PPP4R3B: variants seen among roughly 807,000 people sequenced by gnomAD.
The protein encoded by PPP4R3B is protein phosphatase 4 regulatory subunit 3B, also known as serine/threonine-protein phosphatase 4 regulatory subunit 3B.
In PPP4R3B, 52 loss-of-function variants were observed where a neutral mutation model predicts 95.4. That is an observed-to-expected ratio of 0.54 (90% CI 0.44 to 0.69). PPP4R3B has a LOEUF of 0.69. PPP4R3B is among the 30% of genes least tolerant of loss of function. The pLI is 0.00. For missense variants in PPP4R3B, 1,003 were observed against 1,005.9 expected (o/e 1.00, Z 0.04); for synonymous variants, 407 against 343.9 (o/e 1.18, Z -2.03).
chr2:55,614,407 A>T (rs1286396054), intron 2 of PPP4R3B: 1 of 152,236 alleles, frequency 6.6e-6, no homozygotes, highest in Non-Finnish European at 1.5e-5. Flanking sequence ...AATACTATAC[A>T]GAGTTTAAAA....
At chr2:55,602,684 G>A (rs902120356) in intron 3 of PPP4R3B, among the ~76,000 whole-genome samples, 3 of 152,224 alleles carry the variant, frequency 2.0e-5, no homozygotes, top group South Asian at 4.1e-4. Flanking sequence ...GCTGGGAGAA[G>A]TAAGTGCTGT....
intron 3 of PPP4R3B, among the ~76,000 whole-genome samples, chr2:55,601,343 T>C (rs1053549615): frequency 1.3e-5 from 2 of 151,880 alleles, no homozygotes; most frequent in African/African-American, 4.8e-5. Context: ...GGAGACGTTT[T>C]GTCATACAAT....
At chr2:55,607,846 C>T (rs559907334) in intron 2 of PPP4R3B, among the ~76,000 whole-genome samples, 2 of 152,284 alleles carry the variant, frequency 1.3e-5, no homozygotes, top group Admixed American at 1.3e-4. Flanking sequence ...ATGGATATTA[C>T]TAACAGAATG....
At chr2:55,605,904 C>CAAAAAAAAAAAAAAAAAAAAAAAAAAAA (rs35675375) in intron 2 of PPP4R3B, among the ~76,000 whole-genome samples, 1 of 86,438 alleles carries the variant, frequency 1.2e-5, no homozygotes, top group Non-Finnish European at 2.5e-5. Context: ...GACTCCGTCT[C>CAAAAAAAAAAAAAAAAAAAAAAAAAAAA]AAAAAAAAAA....
chr2:55,551,052 A>G (rs1264831878), intron 16 of PPP4R3B, among the ~76,000 whole-genome samples: 1 of 152,162 alleles, frequency 6.6e-6, no homozygotes, highest in African/African-American at 2.4e-5. Flanking sequence ...ATGTAAAAAA[A>G]AACAAAAACA....
chr2:55,590,357 ATTTG>A (rs1690840419), intron 4 of PPP4R3B, among the ~76,000 whole-genome samples: 1 of 151,996 alleles, frequency 6.6e-6, no homozygotes, highest in African/African-American at 2.4e-5. Context: ...TAATAAATAA[ATTTG>A]TTTGTCTAAA....
chr2:55,562,182 G>A (rs946251494), intron 15 of PPP4R3B, among the ~76,000 whole-genome samples: 3 of 152,160 alleles, frequency 2.0e-5, no homozygotes, highest in Non-Finnish European at 4.4e-5. Context: ...AGCACTTTGG[G>A]AGGCCAAAGT....
At chr2:55,603,387 G>C (rs549936877) in intron 3 of PPP4R3B, among the ~76,000 whole-genome samples, 2 of 152,164 alleles carry the variant, frequency 1.3e-5, no homozygotes, top group Non-Finnish European at 2.9e-5. Flanking sequence ...ATAAATTTAT[G>C]TTCTAGCAGA....
intron 11 of PPP4R3B, among the ~76,000 whole-genome samples, chr2:55,574,247 T>C (rs1688367130): frequency 6.6e-6 from 1 of 151,358 alleles, no homozygotes; most frequent in African/African-American, 2.4e-5. Context: ...ACTTTTTCAT[T>C]AGGCAGACTC....
chr2:55,565,326 ATAT>A (rs1687152427), intron 13 of PPP4R3B, among the ~76,000 whole-genome samples: 1 of 151,290 alleles, frequency 6.6e-6, no homozygotes, highest in African/African-American at 2.4e-5. Flanking sequence ...ATATATATAT[ATAT>A]AGCAGTTTAC....
intron 15 of PPP4R3B, among the ~76,000 whole-genome samples, chr2:55,563,781 A>T (rs938269752): frequency 6.6e-6 from 1 of 152,266 alleles, no homozygotes; most frequent in African/African-American, 2.4e-5. Flanking sequence ...TTTGAAAGAT[A>T]TATTACTAGC....
Position 55,617,300 on chromosome 2 carries a change from C to T in PPP4R3B, c.-15G>A, listed in dbSNP as rs137956541. 4 of 1,580,518 alleles carry T rather than the reference C, an allele frequency of 2.5e-6. No individual in the cohort carries two copies. Among genetic ancestry groups the T allele is most frequent in the African/African-American group, 1.4e-5 (1 of 74,006 alleles). On this transcript the variant is annotated 5_prime_UTR_variant, in exon 1 of 17. Coordinates refer to ENST00000616407, the MANE Select transcript of PPP4R3B (RefSeq NM_001122964.3). ...GTATCCGACATGGTGGCTGCTGTCT[C>T]CACCGCTCTAGCCGCCGCCTCCTCG... is the stretch of plus-strand genomic sequence containing the variant.
In PPP4R3B at chr2:55,564,486, A is replaced by G. The variant is rs1345697835; in HGVS notation, c.2087T>C (p.Ile696Thr). 1.4e-5 allele frequency: 23 copies of G among 1,608,646 alleles called. No individual in the cohort carries two copies. The highest frequency in any genetic ancestry group is 1.9e-5 in the Non-Finnish European group (22 of 1,178,442). ...TCTGCGAAATCTGTTACTACGCAAT[A>G]TAGATGGTACACTGTAAGAAATATA... ...QNQKLNSVPS[I>T]LRSNRFRRDA... Residue 696 changes from isoleucine (I) to threonine (T), a missense_variant, in exon 15 of 17, where the codon ATA (isoleucine) becomes ACA (threonine). Ile to Thr is a moderately conservative substitution (Grantham distance 89). Transcript: ENST00000616407.
chr2:55,609,029 A>C (rs782586), intron 2 of PPP4R3B, among the ~76,000 whole-genome samples: 67,361 of 151,994 alleles, frequency 0.44, 15,914 homozygotes, highest in Non-Finnish European at 0.52. Flanking sequence ...GACCAGCCAG[A>C]AGCAGCACTC....
intron 8 of PPP4R3B, among the ~76,000 whole-genome samples, chr2:55,580,898 A>G (rs1689358170): frequency 6.6e-6 from 1 of 152,206 alleles, no homozygotes; most frequent in Admixed American, 6.5e-5. Flanking sequence ...AAGATCATTC[A>G]GTATATTTAA....
chr2:55,599,921 G>A (rs1000186382), intron 3 of PPP4R3B, among the ~76,000 whole-genome samples: 2 of 152,048 alleles, frequency 1.3e-5, no homozygotes, highest in Admixed American at 6.6e-5. Flanking sequence ...TCATTTCAAA[G>A]GAAATGTCTA....
intron 12 of PPP4R3B, among the ~76,000 whole-genome samples, chr2:55,571,309 CAA>C (rs11358675): frequency 6.8e-6 from 1 of 148,132 alleles, no homozygotes. Flanking sequence ...GACTCTGTCT[CAA>C]AAAAAAAAAT....
intron 5 of PPP4R3B, among the ~76,000 whole-genome samples, chr2:55,587,691 A>T (rs1690345979): frequency 6.6e-6 from 1 of 152,226 alleles, no homozygotes; most frequent in East Asian, 1.9e-4. Flanking sequence ...TTTGTTTTGA[A>T]TTATGAACAC....
intron 13 of PPP4R3B, among the ~76,000 whole-genome samples, 174 bp from the exon 14 acceptor site, chr2:55,565,215 G>GA (rs1014734627): frequency 2.5e-4 from 38 of 150,120 alleles, no homozygotes; most frequent in African/African-American, 8.5e-4. Flanking sequence ...CAGAAAACTT[G>GA]AAAAAAAAGG....
Sources: gnomAD v4.1 joint callset for allele counts (sites outside exome capture counted in the v4.1 genomes callset) on GRCh38, gnomAD v4.1.1 for gene constraint, MANE v1.5 for transcripts, NCBI Gene and HGNC (gene_info 2026-07-23, HGNC 2026-07-21) for gene names.